Variants in TUSC3 observed in about 807,000 individuals in gnomAD.
TUSC3 encodes the protein dolichyl-diphosphooligosaccharide--protein glycosyltransferase subunit TUSC3.
A neutral mutation model predicts 44.8 loss-of-function variants in TUSC3; 45 were observed. The ratio of observed to expected loss-of-function variants is 1.00; its 90% CI spans 0.79 to 1.29. The LOEUF (loss-of-function observed/expected upper bound fraction) is 1.29. TUSC3 is among the 50% of genes most tolerant of loss of function. TUSC3 has a pLI of 0.00. For missense variants in TUSC3, 519 were observed against 437.9 expected (o/e 1.19, Z -1.65); for synonymous variants, 212 against 152.9 (o/e 1.39, Z -2.85).
intron 2 of TUSC3, among the ~76,000 whole-genome samples, chr8:15,485,173 C>T (rs933756619): frequency 6.6e-6 from 1 of 152,158 alleles, no homozygotes; most frequent in Non-Finnish European, 1.5e-5. Context: ...CCATATTCCT[C>T]ATTTGTATCT....
chr8:15,536,024 T>C (rs891351018), upstream of TUSC3, among the ~76,000 whole-genome samples: 3 of 152,202 alleles, frequency 2.0e-5, no homozygotes, highest in Non-Finnish European at 4.4e-5. Flanking sequence ...CAGCTATCAT[T>C]AGTGTTTGTA....
At chr8:15,494,616 C>T (rs1314553206) in intron 2 of TUSC3, among the ~76,000 whole-genome samples, 1 of 152,158 alleles carries the variant, frequency 6.6e-6, no homozygotes, top group Non-Finnish European at 1.5e-5. Context: ...CGCACCTGGC[C>T]TCTCATTTTC....
At chr8:15,600,735 C>T (rs1197721799) in intron 1 of TUSC3, among the ~76,000 whole-genome samples, 2 of 151,618 alleles carry the variant, frequency 1.3e-5, no homozygotes, top group Admixed American at 1.3e-4. Flanking sequence ...CTTGCACCCT[C>T]TCAACAACTA....
At chr8:15,717,566 G>C (rs1442950784) in intron 6 of TUSC3, among the ~76,000 whole-genome samples, 8 of 151,960 alleles carry the variant, frequency 5.3e-5, no homozygotes, top group African/African-American at 1.7e-4. Context: ...TTGAAATCCT[G>C]TTGCAGTATT....
intron 6 of TUSC3, among the ~76,000 whole-genome samples, chr8:15,714,048 GC>G (rs1809967301): frequency 6.6e-6 from 1 of 152,132 alleles, no homozygotes; most frequent in East Asian, 1.9e-4. Context: ...CTTCATTGAA[GC>G]TACAGACGTC....
At position 15,576,256 on chromosome 8, in the gene TUSC3, T is replaced by TC. The variant is rs1486883262; in HGVS notation, c.138+35688_138+35689insC. On this transcript the variant is annotated intron_variant, in intron 1 of 10. Transcript: ENST00000503731. ...AAGAATCCTCTGCTTTTTCTTTCTT[T>TC]TTTTTTTTTTCTTGGTCCTCTTGTT... Among the ~76,000 whole-genome samples the TC allele has an allele frequency of 8.1e-5, 12 of 148,384 alleles. 1 individual carries two copies. The highest frequency in any genetic ancestry group is 4.0e-4 in the Admixed American group (6 of 14,938).
At chr8:15,461,356 A>G (rs1800342312) in intron 1 of TUSC3, among the ~76,000 whole-genome samples, 1 of 152,086 alleles carries the variant, frequency 6.6e-6, no homozygotes, top group Non-Finnish European at 1.5e-5. Flanking sequence ...GTTGGTGTAT[A>G]GGAGAGTTAA....
intron 1 of TUSC3, among the ~76,000 whole-genome samples, chr8:15,562,102 A>G (rs1352983602): frequency 6.6e-6 from 1 of 152,196 alleles, no homozygotes; most frequent in African/African-American, 2.4e-5. Context: ...AAGAACAGCT[A>G]TGCAGGAGTC....
chr8:15,794,487 T>C, the TUSC3 span, among the ~76,000 whole-genome samples: 15 of 152,320 alleles, frequency 9.8e-5, no homozygotes, highest in East Asian at 2.5e-3. Flanking sequence ...TGAGATTCTT[T>C]CCTACTTGCA....
the TUSC3 span, among the ~76,000 whole-genome samples, chr8:15,785,962 G>A: frequency 6.6e-6 from 1 of 152,020 alleles, no homozygotes; most frequent in Non-Finnish European, 1.5e-5. Flanking sequence ...ATATTTAAAT[G>A]TATTATATGA....
chr8:15,667,534 A>T (rs956310364), intron 5 of TUSC3, among the ~76,000 whole-genome samples: 1 of 151,754 alleles, frequency 6.6e-6, no homozygotes, highest in African/African-American at 2.4e-5. Flanking sequence ...AAAACATGGA[A>T]TATACAAAGG....
At chr8:15,753,582 G>A (rs529675750) in intron 9 of TUSC3, among the ~76,000 whole-genome samples, 36 of 152,112 alleles carry the variant, frequency 2.4e-4, no homozygotes, top group African/African-American at 8.7e-4. Flanking sequence ...ATGTATATGT[G>A]CTAAAGTTAA....
At chr8:15,730,270 T>A (rs562897809) in intron 6 of TUSC3, among the ~76,000 whole-genome samples, 51 of 152,270 alleles carry the variant, frequency 3.3e-4, no homozygotes, top group South Asian at 1.2e-3. Flanking sequence ...ACTTTGATAA[T>A]GTGGAAAGGA....
rs549378287 is a variant in TUSC3, at chr8:15,715,182, A to T, written c.799-15484A>T. Among the ~76,000 whole-genome samples, 7 of 152,286 alleles carry T rather than the reference A, an allele frequency of 4.6e-5. 1 individual carries two copies. The highest frequency in any genetic ancestry group is 3.4e-3 in the Middle Eastern group (1 of 294). On this transcript the variant is annotated intron_variant, in intron 6 of 10. Coordinates refer to ENST00000503731, the MANE Select transcript of TUSC3 (RefSeq NM_006765.4). The stretch of plus-strand genomic sequence containing the variant: ...TCATTCAGTGCTTGAAATCTCAGAT[A>T]GTACCAAACTCTATATATATTGTGT...
At chr8:15,582,174 T>G (rs960669243) in intron 1 of TUSC3, among the ~76,000 whole-genome samples, 1 of 152,210 alleles carries the variant, frequency 6.6e-6, no homozygotes, top group East Asian at 1.9e-4. Context: ...GGCTCGCGCA[T>G]GGTGCGCGCA....
chr8:15,606,884 C>T (rs774737805), intron 1 of TUSC3, among the ~76,000 whole-genome samples: 39 of 151,870 alleles, frequency 2.6e-4, no homozygotes, highest in Non-Finnish European at 4.4e-4. Flanking sequence ...ACAGTTTTAA[C>T]TTACGTTTTC....
chr8:15,581,051 G>A (rs1314802974), intron 1 of TUSC3, among the ~76,000 whole-genome samples: 2 of 117,718 alleles, frequency 1.7e-5, no homozygotes, highest in African/African-American at 7.3e-5. Flanking sequence ...TTCCCTTCTC[G>A]CTTCATTTCA....
chr8:15,715,879 A>G (rs559251756), intron 6 of TUSC3, among the ~76,000 whole-genome samples: 1 of 151,966 alleles, frequency 6.6e-6, no homozygotes, highest in East Asian at 1.9e-4. Context: ...ATCTTTTTTT[A>G]GTATTGAGGT....
intron 1 of TUSC3, among the ~76,000 whole-genome samples, chr8:15,564,654 A>G (rs1383047126): frequency 6.6e-6 from 1 of 152,050 alleles, no homozygotes; most frequent in Non-Finnish European, 1.5e-5. Context: ...TCTCTTCTTC[A>G]CAGACACAAG....
Sources: allele counts gnomAD v4.1 joint callset (sites outside exome capture counted in the v4.1 genomes callset), GRCh38; gene constraint gnomAD v4.1.1; transcripts MANE v1.5; gene names NCBI Gene and HGNC (gene_info 2026-07-23, HGNC 2026-07-21).